The following NGEF variants were observed in gnomAD, a reference collection of about 807,000 sequenced individuals.
NGEF encodes ephexin-1.
In NGEF, 31 loss-of-function variants were observed where a neutral mutation model predicts 80.9. That is an observed-to-expected ratio of 0.38 (90% CI 0.29 to 0.52). The LOEUF is 0.52. NGEF is among the 20% of genes least tolerant of loss of function. The probability of loss-of-function intolerance (pLI) is 0.84; values close to 1 mark genes in which losing one functional copy is unlikely to be tolerated. For synonymous variants in NGEF, 371 were observed against 370.2 expected, an observed-to-expected ratio of 1.00 and a Z score of -0.03; for missense variants, 709 against 926.2, an observed-to-expected ratio of 0.77 and a Z score of 3.04.
intron 1 of NGEF, among the ~76,000 whole-genome samples, chr2:233,000,059 C>G (rs1694936827): frequency 6.6e-6 from 1 of 152,178 alleles, no homozygotes; most frequent in African/African-American, 2.4e-5. Flanking sequence ...AGGGGTCCAG[C>G]ATGGCCAGGC....
chr2:232,962,433 C>T (rs944573418), intron 3 of NGEF, among the ~76,000 whole-genome samples: 1 of 151,776 alleles, frequency 6.6e-6, no homozygotes, highest in Non-Finnish European at 1.5e-5. Context: ...CCTGTAATCC[C>T]AGCTACTTGG....
intron 8 of NGEF, among the ~76,000 whole-genome samples, chr2:232,888,325 C>G (rs1344322204): frequency 6.6e-6 from 1 of 151,840 alleles, no homozygotes; most frequent in Non-Finnish European, 1.5e-5. Flanking sequence ...CACACATGCA[C>G]ACCATGCACA....
At chr2:232,968,801 A>G (rs1246092759) in intron 3 of NGEF, among the ~76,000 whole-genome samples, 1 of 152,204 alleles carries the variant, frequency 6.6e-6, no homozygotes, top group Non-Finnish European at 1.5e-5. Flanking sequence ...ATCAGCAGCA[A>G]TGGTTGGGTG....
intron 3 of NGEF, among the ~76,000 whole-genome samples, chr2:232,945,661 T>C (rs1274012163): frequency 6.7e-6 from 1 of 149,806 alleles, no homozygotes; most frequent in Non-Finnish European, 1.5e-5. Context: ...CCTGACGATG[T>C]CTTGCTTTGG....
At chr2:232,895,042 T>A in intron 5 of NGEF, 126 bp from the exon 6 acceptor site, 2 of 1,075,248 alleles carry the variant, frequency 1.9e-6, no homozygotes, top group Non-Finnish European at 2.7e-6. Context: ...CGCCTGCTCC[T>A]GGGGCCTGGG....
chr2:232,907,877 G>A (rs1048252718), intron 5 of NGEF, among the ~76,000 whole-genome samples: 2 of 152,144 alleles, frequency 1.3e-5, no homozygotes, highest in Admixed American at 6.5e-5. Context: ...GGGAGGCCGA[G>A]GCAGGGACAA....
chr2:232,945,130 C>G (rs1389016733), intron 3 of NGEF, among the ~76,000 whole-genome samples: 5 of 151,896 alleles, frequency 3.3e-5, no homozygotes, highest in African/African-American at 7.3e-5. Flanking sequence ...GAAATAAATT[C>G]TAGAATTGAA....
In NGEF at chr2:232,891,361, G is replaced by A. The variant is rs1169689665; in HGVS notation, c.1269C>T (p.Val423=). The A allele has an allele frequency of 6.2e-7, 1 of 1,613,400 alleles. No homozygotes were observed. The highest frequency in any genetic ancestry group is 1.3e-5 in the African/African-American group (1 of 74,932). The part of the protein sequence containing the change: ...FQRITRLKLL[V]QNILKRVEER... ...GGTCAGGTGGAGGAGGCTGTACCTG[G>A]ACCAACAGCTTGAGGCGTGTGATCC... The change falls in exon 8 of 15, where the codon GTC becomes GTT. Residue 423 remains valine (V), a synonymous_variant. Coordinates refer to ENST00000264051, the MANE Select transcript of NGEF (RefSeq NM_019850.3).
intron 1 of NGEF, among the ~76,000 whole-genome samples, chr2:233,000,863 G>A (rs1473830917): frequency 6.6e-6 from 1 of 152,162 alleles, no homozygotes; most frequent in African/African-American, 2.4e-5. Context: ...ATTCTAGGGG[G>A]AGACAAACAT....
intron 11 of NGEF, 86 bp downstream of exon 11, chr2:232,883,895 C>T (rs1691592781): frequency 3.6e-6 from 5 of 1,392,458 alleles, no homozygotes; most frequent in Non-Finnish European, 4.8e-6. Context: ...GTCCCGACAC[C>T]CCCAACCCCC....
chr2:232,996,642 G>A (rs1238535292), intron 1 of NGEF, among the ~76,000 whole-genome samples: 2 of 152,060 alleles, frequency 1.3e-5, no homozygotes, highest in East Asian at 3.9e-4. Flanking sequence ...ACAGCCAAGC[G>A]CACCACCACG....
At chr2:232,963,269 A>G (rs542970629) in intron 3 of NGEF, among the ~76,000 whole-genome samples, 5 of 152,032 alleles carry the variant, frequency 3.3e-5, no homozygotes, top group Admixed American at 2.0e-4. Context: ...GGACTTTTGA[A>G]AAAAGTACCA....
intron 1 of NGEF, among the ~76,000 whole-genome samples, chr2:233,000,413 A>C (rs1694945557): frequency 6.6e-6 from 1 of 151,212 alleles, no homozygotes; most frequent in Non-Finnish European, 1.5e-5. Flanking sequence ...TCTTTTTATG[A>C]GGGTACTGAT....
At chr2:232,949,867 A>C (rs1260996935) in intron 3 of NGEF, among the ~76,000 whole-genome samples, 1 of 150,672 alleles carries the variant, frequency 6.6e-6, no homozygotes. Flanking sequence ...GCTGGAGTGC[A>C]GTGGTGCCAT....
rs1691512965 is a variant in NGEF, at chr2:232,881,777, A to G, written c.1837+409T>C. Among the ~76,000 whole-genome samples, 6 of 152,088 alleles carry G rather than the reference A, an allele frequency of 3.9e-5. 1 individual carries two copies. In the South Asian group the frequency reaches 6.2e-4, roughly 16 times the overall value. ...TTTTTAGTAGAGACGGGGTTTTGCT[A>G]TGTTGGCCAGGCTTGTCTCGAGCTC... On this transcript the variant is annotated intron_variant, in intron 13 of 14. Coordinates refer to ENST00000264051, the MANE Select transcript of NGEF (RefSeq NM_019850.3).
chr2:233,003,643 C>T (rs1695027573), intron 1 of NGEF, among the ~76,000 whole-genome samples: 1 of 152,184 alleles, frequency 6.6e-6, no homozygotes, highest in Admixed American at 6.5e-5. Flanking sequence ...TCCATCGGCT[C>T]CTTTCTCTTC....
rs1456298701 is a variant in NGEF at position 232,900,595 on chromosome 2, TATACACGTTCACTCAC to T, written c.829-5695_829-5680del. Among the ~76,000 whole-genome samples, 3 of 85,110 alleles carry T rather than the reference TATACACGTTCACTCAC, an allele frequency of 3.5e-5. 1 individual carries two copies. Among genetic ancestry groups the T allele is most frequent in the Non-Finnish European group, 6.9e-5 (3 of 43,778 alleles). 55.8% of individuals were successfully genotyped at this position (85,110 alleles called of 152,430 possible). On this transcript the variant is annotated intron_variant, in intron 5 of 14. Transcript: ENST00000264051. The stretch of plus-strand genomic sequence containing the variant: ...ACACACACGCTCTCACAGTCACTCA[TATACACGTTCACTCAC>T]ATACACACACGCTCTCACAGTCACT...
chr2:232,885,866 C>A (rs557114247), intron 9 of NGEF, among the ~76,000 whole-genome samples: 2 of 152,346 alleles, frequency 1.3e-5, no homozygotes, highest in South Asian at 2.1e-4. Flanking sequence ...AGCACCATGT[C>A]CAGGGAAGTG....
chr2:232,894,608 TCTTCATTTATTTA>T, intron 6 of NGEF, 135 bp downstream of exon 6: 1 of 885,384 alleles, frequency 1.1e-6, no homozygotes. Context: ...TGGATTTAGT[TCTTCATTTATTTA>T]TATTTTATTA....
Sources: gnomAD v4.1 joint callset for allele counts (sites outside exome capture counted in the v4.1 genomes callset) on GRCh38, gnomAD v4.1.1 for gene constraint, MANE v1.5 for transcripts, NCBI Gene and HGNC (gene_info 2026-07-23, HGNC 2026-07-21) for gene names.